The following THSD7A variants were observed in gnomAD, a reference collection of about 807,000 sequenced individuals.
THSD7A encodes thrombospondin type-1 domain-containing protein 7A.
Under a neutral mutation model 231.3 loss-of-function variants are expected in THSD7A, and 96 were observed. The observed-to-expected ratio is 0.41, with a 90% CI of 0.35 to 0.49. THSD7A has a LOEUF of 0.49. Ranked by LOEUF, THSD7A falls within the 20% of genes least tolerant of loss-of-function variation. THSD7A has a pLI of 0.05. For missense variants in THSD7A, 2,290 were observed against 2,070.2 expected, an observed-to-expected ratio of 1.11 and a Z score of -2.06; for synonymous variants, 940 against 743.3, an observed-to-expected ratio of 1.26 and a Z score of -4.30.
intron 6 of THSD7A, among the ~76,000 whole-genome samples, chr7:11,504,220 AATACCAC>A (rs1471359646): frequency 1.3e-5 from 2 of 152,228 alleles, no homozygotes; most frequent in Non-Finnish European, 2.9e-5. Context: ...CAGAAAATCA[AATACCAC>A]ATGCTTTCAC....
chr7:11,783,859 T>C (rs145044470), intron 1 of THSD7A, among the ~76,000 whole-genome samples: 8 of 152,188 alleles, frequency 5.3e-5, no homozygotes, highest in Non-Finnish European at 8.8e-5. Context: ...AATATTTGTC[T>C]CTCCATATCA....
In THSD7A at chr7:11,406,889, CA is replaced by C; in HGVS notation, c.4062+20del. The C allele has an allele frequency of 6.2e-7, 1 of 1,613,152 alleles. No homozygotes were observed. The highest frequency in any genetic ancestry group is 8.5e-7 in the Non-Finnish European group (1 of 1,179,550). On this transcript the variant is annotated intron_variant, in intron 21 of 27. Transcript: ENST00000423059. The surrounding 1 kb of genome is among the most constrained non-coding windows in gnomAD (Gnocchi z 4.7). ...TGCAGATAGAGTACACACTTCCTGA[CA>C]ACTTCTTGAGATTTGATACCTGCAC...
intron 1 of THSD7A, among the ~76,000 whole-genome samples, chr7:11,648,133 G>A (rs1010747552): frequency 6.6e-5 from 10 of 152,010 alleles, no homozygotes; most frequent in African/African-American, 2.4e-4. Context: ...ATGTAAGTCT[G>A]TATTTTAGGC....
chr7:11,615,877 G>T (rs184529162), intron 2 of THSD7A, among the ~76,000 whole-genome samples: 1 of 152,024 alleles, frequency 6.6e-6, no homozygotes, highest in East Asian at 1.9e-4. Flanking sequence ...TTTTAATGAA[G>T]GAAACACACT....
intron 1 of THSD7A, among the ~76,000 whole-genome samples, chr7:11,738,379 T>C (rs767209051): frequency 4.6e-5 from 7 of 152,030 alleles, no homozygotes; most frequent in African/African-American, 7.2e-5. Context: ...TCTTAGAGTA[T>C]TATTTTACGA....
intron 1 of THSD7A, among the ~76,000 whole-genome samples, chr7:11,696,913 G>T (rs1342891049): frequency 6.6e-6 from 1 of 151,364 alleles, no homozygotes; most frequent in Non-Finnish European, 1.5e-5. Flanking sequence ...GGCCATGAGA[G>T]AATATGGATC....
intron 1 of THSD7A, among the ~76,000 whole-genome samples, chr7:11,687,891 T>G (rs1477326236): frequency 6.6e-6 from 1 of 151,760 alleles, no homozygotes; most frequent in Non-Finnish European, 1.5e-5. Flanking sequence ...TAATTTTATT[T>G]TTTTAAGGCG....
chr7:11,640,943 C>T (rs1782055846), intron 1 of THSD7A, among the ~76,000 whole-genome samples: 2 of 152,084 alleles, frequency 1.3e-5, no homozygotes, highest in African/African-American at 4.8e-5. Context: ...TAAATTTTCT[C>T]AACCAAGAAC....
chr7:11,616,679 C>A (rs1254672475), intron 2 of THSD7A, among the ~76,000 whole-genome samples: 1 of 152,130 alleles, frequency 6.6e-6, no homozygotes, highest in East Asian at 1.9e-4. Flanking sequence ...CGTTGCCCAG[C>A]CCTTCCTTAG....
chr7:11,801,819 C>T (rs369868315), intron 1 of THSD7A, among the ~76,000 whole-genome samples: 81 of 152,198 alleles, frequency 5.3e-4, no homozygotes, highest in African/African-American at 1.9e-3. Flanking sequence ...ATGTACTGTT[C>T]CAGTCAGGCA....
intron 1 of THSD7A, among the ~76,000 whole-genome samples, chr7:11,722,804 G>A (rs149524622): frequency 0.04 from 6,016 of 151,866 alleles, 405 homozygotes; most frequent in African/African-American, 0.14. Context: ...TTAGAATGGC[G>A]ATCATTAAAA....
rs1210656738 is a variant in THSD7A, at chr7:11,379,198, A to G, written c.4673T>C (p.Val1558Ala). ...GTCCTCCATGGTGGGTAATACCACC[A>G]CGGGGATAAGTGTGCATTGCTCAAG... is the stretch of plus-strand genomic sequence containing the variant. The part of the protein sequence containing the change: ...STLEQCTLIP[V>A]VVLPTMEDKR... The change falls in exon 26 of 28, where the codon GTG (valine) becomes GCG (alanine). Residue 1558 changes from valine (V) to alanine (A), a missense_variant. Coordinates refer to ENST00000423059, the MANE Select transcript of THSD7A (RefSeq NM_015204.3). 6.2e-7 allele frequency: 1 copy of G among 1,613,650 alleles called. No individual in the cohort carries two copies. The highest frequency in any genetic ancestry group is 1.7e-5 in the Admixed American group (1 of 59,984).
chr7:11,627,248 TA>T (rs1158986277), intron 2 of THSD7A, among the ~76,000 whole-genome samples: 3 of 151,658 alleles, frequency 2.0e-5, no homozygotes, highest in South Asian at 2.1e-4. Context: ...TAAAGTAAAA[TA>T]AAAAAAATTA....
Position 11,593,461 on chromosome 7 carries a change from C to T in THSD7A, c.1064G>A (p.Cys355Tyr), listed in dbSNP as rs1780244430. ...AACCTGGCACTCTTTGGTGATCACA[C>T]AGGACTGGAAGGTCATTGGAAGCTT... ...QEKLPMTFQS[C>Y]VITKECQVSE... The change falls in exon 3 of 28, where the codon TGT (cysteine) becomes TAT (tyrosine). Residue 355 changes from cysteine (C) to tyrosine (Y), a missense_variant. Transcript: ENST00000423059. The T allele has an allele frequency of 6.2e-7, 1 of 1,613,880 alleles. No homozygotes were observed. Among genetic ancestry groups the T allele is most frequent in the Admixed American group, 1.7e-5 (1 of 60,006 alleles).
In THSD7A at chr7:11,831,826, G is replaced by C; in HGVS notation, c.121C>G (p.Arg41Gly). The change falls in exon 1 of 28, where the codon CGC (arginine) becomes GGC (glycine). Residue 41 changes from arginine to glycine, a missense_variant. Transcript: ENST00000423059. The surrounding 1 kb of genome is among the most constrained non-coding windows in gnomAD (Gnocchi z 5.0). The stretch of plus-strand genomic sequence containing the variant: ...GCCGCAGCCCTGCCGGCGCCCGGGC[G>C]TAGCAGCAGCAGCAGGAGCAGCGGC... ...PLPLLLLLLL[R>G]PGAGRAAAQG... 7.0e-7 allele frequency: 1 copy of C among 1,438,720 alleles called. No homozygotes were observed. The highest frequency in any genetic ancestry group is 1.6e-5 in the South Asian group (1 of 63,388). 89.1% of individuals were successfully genotyped at this position (1,438,720 alleles called of 1,614,324 possible).
chr7:11,631,950 C>G (rs1202423789), intron 2 of THSD7A, among the ~76,000 whole-genome samples: 1 of 152,102 alleles, frequency 6.6e-6, no homozygotes, highest in Non-Finnish European at 1.5e-5. Flanking sequence ...TTAAAAAGGC[C>G]TGCTTGGAGG....
chr7:11,452,483 G>T (rs1388490148), intron 11 of THSD7A, among the ~76,000 whole-genome samples: 1 of 151,948 alleles, frequency 6.6e-6, no homozygotes, highest in African/African-American at 2.4e-5. Flanking sequence ...CTTCATTTTT[G>T]ATTGATCCTA....
At chr7:11,464,858 T>C (rs763671629) in intron 9 of THSD7A, among the ~76,000 whole-genome samples, 75 of 152,290 alleles carry the variant, frequency 4.9e-4, no homozygotes, top group African/African-American at 1.6e-3. Flanking sequence ...TCTTCTCATA[T>C]TGCAGTTAAG....
chr7:11,758,481 T>G (rs149691151), intron 1 of THSD7A, among the ~76,000 whole-genome samples: 20 of 152,062 alleles, frequency 1.3e-4, no homozygotes, highest in African/African-American at 4.8e-4. Flanking sequence ...TTTTTGTTCA[T>G]CTTGGCTGGT....
Sources: gnomAD v4.1 joint callset for allele counts (sites outside exome capture counted in the v4.1 genomes callset) on GRCh38, gnomAD v4.1.1 for gene constraint, Gnocchi (gnomAD v3.1) non-coding constraint, MANE v1.5 for transcripts, NCBI Gene and HGNC (gene_info 2026-07-23, HGNC 2026-07-21) for gene names.